The following VWA8 variants were observed in gnomAD, a reference collection of about 807,000 sequenced individuals.
VWA8 encodes von Willebrand factor A domain containing 8, also known as von Willebrand factor A domain-containing protein 8.
A neutral mutation model predicts 241.5 loss-of-function variants in VWA8; 221 were observed. The ratio of observed to expected loss-of-function variants is 0.91; its 90% CI spans 0.82 to 1.02. VWA8 has a LOEUF of 1.02. Ranked by LOEUF, VWA8 falls within the 50% of genes least tolerant of loss-of-function variation. The probability of loss-of-function intolerance (pLI) is 0.00; values close to 1 mark genes in which losing one functional copy is unlikely to be tolerated. For synonymous variants in VWA8, 852 were observed against 827.1 expected (o/e 1.03, Z -0.52); for missense variants, 2,322 against 2,328.7 (o/e 1.00, Z 0.06).
chr13:41,640,989 T>C (rs1328912437), intron 37 of VWA8, among the ~76,000 whole-genome samples: 1 of 152,106 alleles, frequency 6.6e-6, no homozygotes, highest in Non-Finnish European at 1.5e-5. Flanking sequence ...TGGTAGAAGA[T>C]TGTGGAATCA....
chr13:41,716,950 T>A (rs1171414879), intron 26 of VWA8, among the ~76,000 whole-genome samples: 1 of 151,302 alleles, frequency 6.6e-6, no homozygotes, highest in Admixed American at 6.6e-5. Flanking sequence ...TGGCGGTCTA[T>A]GTGATTACCA....
intron 23 of VWA8, among the ~76,000 whole-genome samples, chr13:41,728,237 C>T (rs1428184453): frequency 6.6e-6 from 1 of 151,854 alleles, no homozygotes; most frequent in Non-Finnish European, 1.5e-5. Flanking sequence ...ACTGTGATCC[C>T]CATTAATCTT....
intron 26 of VWA8, among the ~76,000 whole-genome samples, chr13:41,708,266 CAGG>C (rs1280151126): frequency 6.6e-6 from 1 of 151,914 alleles, no homozygotes; most frequent in African/African-American, 2.4e-5. Context: ...GAGGCTGAGG[CAGG>C]AGAATTGCTT....
At chr13:41,572,912 G>A (rs1271891545) in intron 43 of VWA8, among the ~76,000 whole-genome samples, 2 of 147,462 alleles carry the variant, frequency 1.4e-5, no homozygotes, top group Middle Eastern at 3.5e-3. Context: ...GTTCGAGACC[G>A]GCCTGGCCGG....
intron 2 of VWA8, among the ~76,000 whole-genome samples, chr13:41,920,137 T>G (rs891230663): frequency 2.0e-5 from 3 of 152,192 alleles, no homozygotes; most frequent in African/African-American, 7.2e-5. Flanking sequence ...GGGCTATTGC[T>G]GAGTGTCACC....
chr13:41,921,858 C>A (rs565490829), intron 2 of VWA8, among the ~76,000 whole-genome samples: 7 of 152,262 alleles, frequency 4.6e-5, no homozygotes, highest in Non-Finnish European at 1.0e-4. Flanking sequence ...GGCCACACTG[C>A]CCAAGGTAAT....
chr13:41,775,417 T>C (rs1424828520), intron 20 of VWA8, among the ~76,000 whole-genome samples: 1 of 152,224 alleles, frequency 6.6e-6, no homozygotes, highest in East Asian at 1.9e-4. Context: ...GAGTACAAGA[T>C]GGCAAGACAG....
intron 1 of VWA8, among the ~76,000 whole-genome samples, chr13:41,960,149 G>C (rs752798406): frequency 6.6e-6 from 1 of 152,074 alleles, no homozygotes; most frequent in Non-Finnish European, 1.5e-5. Flanking sequence ...AGCTCAAGTA[G>C]AGCCAAAAAA....
chr13:41,752,109 TG>T (rs150067716), intron 21 of VWA8, among the ~76,000 whole-genome samples: 10,045 of 152,206 alleles, frequency 0.066, 461 homozygotes, highest in Non-Finnish European at 0.099. Flanking sequence ...TATTTCAATA[TG>T]TTCCTTCTTT....
chr13:41,574,240 AT>A (rs1353354850), intron 43 of VWA8, among the ~76,000 whole-genome samples: 1 of 152,150 alleles, frequency 6.6e-6, no homozygotes, highest in Non-Finnish European at 1.5e-5. Context: ...AGGTTACAAA[AT>A]CAATATACTC....
intron 21 of VWA8, among the ~76,000 whole-genome samples, chr13:41,744,966 T>C (rs897784590): frequency 1.3e-5 from 2 of 152,020 alleles, no homozygotes; most frequent in African/African-American, 4.8e-5. Context: ...GCCTCCCGAG[T>C]AGCTGGGAGT....
intron 22 of VWA8, 121 bp from the exon 23 acceptor site, chr13:41,729,798 G>GACACACACACACACACACAC: frequency 2.3e-6 from 1 of 443,766 alleles, no homozygotes; most frequent in Non-Finnish European, 4.0e-6. Context: ...TATACACGTA[G>GACACACACACACACACACAC]ACACACACAC....
intron 25 of VWA8, 69 bp from the exon 26 acceptor site, chr13:41,719,811 T>C (rs2045371523): frequency 2.1e-6 from 3 of 1,416,616 alleles, no homozygotes. Context: ...ATTTATGAAA[T>C]GGATAGGACA....
At chr13:41,809,677 A>T (rs1483983391) in intron 17 of VWA8, among the ~76,000 whole-genome samples, 2 of 152,190 alleles carry the variant, frequency 1.3e-5, no homozygotes, top group African/African-American at 4.8e-5. Flanking sequence ...AAAACTCTCC[A>T]AGACATTGGT....
Position 41,671,159 on chromosome 13 carries a change from A to T in VWA8, c.4410-12T>A. ...AGAGAGATTCTGATCTGGAAAAAGGAATCCAAGTGAAGCTAAGAGACCACA... is the reference window on the plus strand; with the variant it reads ...AGAGAGATTCTGATCTGGAAAAAGGTATCCAAGTGAAGCTAAGAGACCACA... On this transcript the variant is annotated splice_polypyrimidine_tract_variant and intron_variant, in intron 36 of 44. Coordinates refer to ENST00000379310, the MANE Select transcript of VWA8 (RefSeq NM_015058.2). The T allele has an allele frequency of 6.2e-7, 1 of 1,613,344 alleles. No homozygotes were observed. The highest frequency in any genetic ancestry group is 1.1e-5 in the South Asian group (1 of 91,016).
At chr13:41,836,994 A>T (rs1341719206) in intron 12 of VWA8, among the ~76,000 whole-genome samples, 1 of 152,150 alleles carries the variant, frequency 6.6e-6, no homozygotes, top group Non-Finnish European at 1.5e-5. Context: ...TATTAGAAAG[A>T]GCCATTCTTC....
intron 21 of VWA8, among the ~76,000 whole-genome samples, chr13:41,744,634 T>C (rs2045590844): frequency 6.6e-6 from 1 of 152,070 alleles, no homozygotes; most frequent in Non-Finnish European, 1.5e-5. Flanking sequence ...TCTAATTGAA[T>C]AAGGAGAAAG....
chr13:41,890,029 T>C (rs1255890856), intron 5 of VWA8, among the ~76,000 whole-genome samples: 1 of 152,252 alleles, frequency 6.6e-6, no homozygotes, highest in African/African-American at 2.4e-5. Flanking sequence ...GATTAAATCC[T>C]TGATTATCTC....
At chr13:41,697,616 T>C (rs1043621501) in intron 29 of VWA8, among the ~76,000 whole-genome samples, 1 of 152,154 alleles carries the variant, frequency 6.6e-6, no homozygotes, top group African/African-American at 2.4e-5. Context: ...ACAACCTAGA[T>C]CCCTTGCATG....
Sources: gnomAD v4.1 joint callset for allele counts (sites outside exome capture counted in the v4.1 genomes callset) on GRCh38, gnomAD v4.1.1 for gene constraint, MANE v1.5 for transcripts, NCBI Gene and HGNC (gene_info 2026-07-23, HGNC 2026-07-21) for gene names.